Variants in SOX6 observed in about 807,000 individuals in gnomAD.
SOX6 encodes the protein SRY-box transcription factor 6, also known as transcription factor SOX-6.
In SOX6, 11 loss-of-function variants were observed where a neutral mutation model predicts 97.8. The ratio of observed to expected loss-of-function variants is 0.11; its 90% confidence interval spans 0.07 to 0.19. SOX6 has a LOEUF of 0.19. Among genes scored for constraint, SOX6 ranks in the 10% least tolerant of loss-of-function variants. The pLI, the probability that SOX6 is intolerant of heterozygous loss-of-function variation, is 1.00. For missense variants in SOX6, 810 were observed against 1,039.5 expected (o/e 0.78, Z 3.04); for synonymous variants, 360 against 371.4 (o/e 0.97, Z 0.35).
chr11:16,446,946 TC>T (rs1859623347), intron 1 of SOX6, among the ~76,000 whole-genome samples: 2 of 148,354 alleles, frequency 1.3e-5, no homozygotes, highest in African/African-American at 2.5e-5. Flanking sequence ...TTCTTTACTT[TC>T]CTCCTTCTTT....
chr11:16,457,152 T>C (rs1375819430), intron 1 of SOX6, among the ~76,000 whole-genome samples: 2 of 152,042 alleles, frequency 1.3e-5, no homozygotes, highest in Non-Finnish European at 2.9e-5. Flanking sequence ...CTGAAAAATA[T>C]TGAATTGTGG....
chr11:16,569,925 G>A (rs1003243293), intron 4 of SOX6, among the ~76,000 whole-genome samples: 19 of 148,962 alleles, frequency 1.3e-4, no homozygotes, highest in African/African-American at 4.7e-4. Flanking sequence ...TATTTTTAGT[G>A]GGGAAAAATT....
rs972082056 is a variant in SOX6 at position 16,608,599 on chromosome 11, G to GA, written n.609+3481dup. ...TTTAAACGATGGAGGAGGAGGCGTTGAAAAAAAAAAAAGAAAAAGCAATTC... is the reference window on the plus strand; with the variant it reads ...TTTAAACGATGGAGGAGGAGGCGTTGAAAAAAAAAAAAAGAAAAAGCAATTC... On this transcript the variant is annotated intron_variant and non_coding_transcript_variant, in intron 4 of 5. Coordinates refer to the SOX6 transcript ENST00000524520. Among the ~76,000 whole-genome samples the GA allele has an allele frequency of 7.1e-3, 1,002 of 140,304 alleles. 6 individuals are homozygous for GA. The highest frequency in any genetic ancestry group is 0.012 in the Non-Finnish European group (763 of 64,284). 92.0% of individuals were successfully genotyped at this position (140,304 alleles called of 152,430 possible). A position where few individuals can be genotyped will look rare whatever the true frequency, so the allele number is the denominator to read the frequency against.
intron 4 of SOX6, among the ~76,000 whole-genome samples, chr11:16,570,713 A>G (rs1847929757): frequency 6.6e-6 from 1 of 152,228 alleles, no homozygotes; most frequent in Non-Finnish European, 1.5e-5. Flanking sequence ...ATCATATGAA[A>G]AAGATCAACA....
chr11:16,720,606 A>G (rs1848253541), intron 2 of SOX6, among the ~76,000 whole-genome samples: 1 of 143,202 alleles, frequency 7.0e-6, no homozygotes, highest in Non-Finnish European at 1.5e-5. Context: ...TGACGAGTTA[A>G]TGGGTGCAGC....
At chr11:16,198,036 G>C (rs1851831419) in intron 4 of SOX6, among the ~76,000 whole-genome samples, 1 of 29,854 alleles carries the variant, frequency 3.3e-5, no homozygotes, top group African/African-American at 2.5e-4. Context: ...TGTTGTTGTT[G>C]TTGTTGTTGT....
chr11:16,532,958 C>T (rs4757409), intron 4 of SOX6, among the ~76,000 whole-genome samples: 15,988 of 151,646 alleles, frequency 0.11, 909 homozygotes, highest in Non-Finnish European at 0.14. Flanking sequence ...AATAAGGACA[C>T]GCCAAGGGAA....
intron 3 of SOX6, among the ~76,000 whole-genome samples, chr11:16,705,734 T>C (rs1848127409): frequency 6.6e-6 from 1 of 152,214 alleles, no homozygotes; most frequent in Non-Finnish European, 1.5e-5. Context: ...AGCAAAGTTT[T>C]GTATTCTATT....
At chr11:16,317,277 A>G (rs1489414662) in intron 3 of SOX6, 1 of 151,080 alleles carries the variant, frequency 6.6e-6, no homozygotes, top group African/African-American at 2.4e-5. Context: ...ATATAATACA[A>G]TAAGCCAAAT....
At chr11:16,335,437 T>C (rs1856428290) in intron 2 of SOX6, among the ~76,000 whole-genome samples, 1 of 152,076 alleles carries the variant, frequency 6.6e-6, no homozygotes, top group African/African-American at 2.4e-5. Flanking sequence ...ACCTTAGGAG[T>C]TATGACTATG....
intron 4 of SOX6, among the ~76,000 whole-genome samples, chr11:16,211,719 C>T (rs899682027): frequency 6.6e-6 from 1 of 152,140 alleles, no homozygotes; most frequent in African/African-American, 2.4e-5. Flanking sequence ...TTCTCCTGTT[C>T]TCCACAGTGT....
intron 4 of SOX6, among the ~76,000 whole-genome samples, chr11:16,598,790 G>A (rs965941164): frequency 1.3e-5 from 2 of 152,044 alleles, no homozygotes; most frequent in African/African-American, 4.8e-5. Flanking sequence ...GCTCGGTGAA[G>A]TCAAAATCAC....
At chr11:16,547,575 C>T (rs368801697) in intron 4 of SOX6, among the ~76,000 whole-genome samples, 3 of 151,850 alleles carry the variant, frequency 2.0e-5, no homozygotes, top group South Asian at 2.1e-4. Flanking sequence ...CTCACTCATA[C>T]GTGAGAGCTA....
At chr11:16,455,043 C>T (rs906731941) in intron 1 of SOX6, among the ~76,000 whole-genome samples, 1 of 151,956 alleles carries the variant, frequency 6.6e-6, no homozygotes, top group African/African-American at 2.4e-5. Flanking sequence ...GGCAAATTAC[C>T]TTCATTAACC....
chr11:16,644,724 A>G (rs10832663), intron 3 of SOX6, among the ~76,000 whole-genome samples: 25,287 of 152,188 alleles, frequency 0.17, 2,760 homozygotes, highest in East Asian at 0.32. Flanking sequence ...TGAAAAGACT[A>G]TATATTCTCT....
chr11:16,684,117 G>T (rs1429281834), intron 3 of SOX6, among the ~76,000 whole-genome samples: 4 of 152,174 alleles, frequency 2.6e-5, no homozygotes, highest in African/African-American at 9.7e-5. Flanking sequence ...GGAGAAATAG[G>T]GAAGCTTTTA....
chr11:16,262,989 G>C (rs1853949147), intron 3 of SOX6, among the ~76,000 whole-genome samples: 1 of 151,788 alleles, frequency 6.6e-6, no homozygotes, highest in Admixed American at 6.6e-5. Context: ...CACAAAACTT[G>C]CCAAGTTATC....
intron 4 of SOX6, among the ~76,000 whole-genome samples, chr11:16,522,271 C>G (rs1262327312): frequency 6.6e-6 from 1 of 152,180 alleles, no homozygotes; most frequent in Non-Finnish European, 1.5e-5. Flanking sequence ...ATCAGACTAA[C>G]AGCGGATCTC....
At chr11:16,309,423 G>A (rs1444799581) in intron 3 of SOX6, among the ~76,000 whole-genome samples, 3 of 152,176 alleles carry the variant, frequency 2.0e-5, no homozygotes, top group African/African-American at 4.8e-5. Flanking sequence ...AGAGGTTACA[G>A]TATGACATCA....
Sources: gnomAD v4.1 joint callset for allele counts (sites outside exome capture counted in the v4.1 genomes callset) on GRCh38, gnomAD v4.1.1 for gene constraint, MANE v1.5 for transcripts, NCBI Gene and HGNC (gene_info 2026-07-23, HGNC 2026-07-21) for gene names.